The following CHRNB3 variants were observed in gnomAD, a reference collection of about 807,000 sequenced individuals.
CHRNB3 encodes the protein neuronal acetylcholine receptor subunit beta-3.
CHRNB3 carries 37 observed loss-of-function variants against 40.6 expected under a neutral mutation model. The ratio of observed to expected loss-of-function variants is 0.91; its 90% CI spans 0.70 to 1.20. CHRNB3 has a LOEUF of 1.20. Among genes scored for constraint, CHRNB3 ranks in the 50% most tolerant of loss-of-function variants. The probability of loss-of-function intolerance (pLI) is 0.00; values close to 1 mark genes in which losing one functional copy is unlikely to be tolerated. For missense variants in CHRNB3, 505 were observed against 551.2 expected (o/e 0.92, Z 0.84); for synonymous variants, 207 against 207.1 (o/e 1.00, Z 0.00).
chr8:42,700,634 C>A (rs753206994), intron 1 of CHRNB3, among the ~76,000 whole-genome samples: 11 of 152,090 alleles, frequency 7.2e-5, no homozygotes, highest in African/African-American at 1.4e-4. Context: ...TATTTCTTTT[C>A]TGTCCTGGCT....
intron 3 of CHRNB3, among the ~76,000 whole-genome samples, chr8:42,720,209 A>G (rs150527189): frequency 0.066 from 8,354 of 126,970 alleles, 300 homozygotes; most frequent in Middle Eastern, 0.18. Context: ...TCCGCCTCCC[A>G]GGTTCAAGAG....
chr8:42,731,282 G>A (rs1309156781), intron 4 of CHRNB3, among the ~76,000 whole-genome samples: 2 of 152,108 alleles, frequency 1.3e-5, no homozygotes, highest in Non-Finnish European at 2.9e-5. Flanking sequence ...AGGGCAGGGT[G>A]TGGTGGCTCA....
chr8:42,723,064 GT>G (rs1470558700), intron 3 of CHRNB3, among the ~76,000 whole-genome samples: 1 of 141,630 alleles, frequency 7.1e-6, no homozygotes, highest in Non-Finnish European at 1.6e-5. Context: ...CTAAAATATC[GT>G]AATAGGATAT....
intron 3 of CHRNB3, among the ~76,000 whole-genome samples, chr8:42,713,740 C>T (rs1399471478): frequency 3.3e-5 from 5 of 152,160 alleles, no homozygotes; most frequent in Non-Finnish European, 7.3e-5. Flanking sequence ...GTTTAATTCA[C>T]AAATGCATAA....
At chr8:42,706,571 G>C (rs1017153157) in intron 1 of CHRNB3, among the ~76,000 whole-genome samples, 5 of 151,970 alleles carry the variant, frequency 3.3e-5, no homozygotes, top group Non-Finnish European at 7.4e-5. Context: ...CCCGACGTAG[G>C]GTGGGAGAAA....
At chr8:42,725,510 T>C (rs1013891399) in intron 3 of CHRNB3, 64 of 694,404 alleles carry the variant, frequency 9.2e-5, no homozygotes, top group African/African-American at 7.4e-4. Flanking sequence ...TTCCACTTCA[T>C]TGATAAAAAT....
chr8:42,726,748 C>A (rs1586407234), intron 3 of CHRNB3, among the ~76,000 whole-genome samples: 1 of 152,080 alleles, frequency 6.6e-6, no homozygotes, highest in African/African-American at 2.4e-5. Context: ...CCTTGGCCTG[C>A]CAAAGTGCTG....
chr8:42,699,904 C>A (rs1172272482), intron 1 of CHRNB3, among the ~76,000 whole-genome samples: 1 of 123,416 alleles, frequency 8.1e-6, no homozygotes. Context: ...TTTTTTTTGA[C>A]GAGGCGGCAA....
At chr8:42,730,736 A>C (rs1816396561) in intron 4 of CHRNB3, 33 bp downstream of exon 4, 1 of 1,428,322 alleles carries the variant, frequency 7.0e-7, no homozygotes, top group Non-Finnish European at 9.7e-7. Flanking sequence ...CTTATGGGGA[A>C]AAAAATAAAT....
chr8:42,724,663 C>T (rs1288565652), intron 3 of CHRNB3, among the ~76,000 whole-genome samples: 9 of 152,032 alleles, frequency 5.9e-5, no homozygotes, highest in African/African-American at 2.2e-4. Flanking sequence ...TGATTTCAGA[C>T]GAGGCGGCAG....
chr8:42,735,336 G>C (rs866573829), intron 5 of CHRNB3, among the ~76,000 whole-genome samples: 1 of 152,088 alleles, frequency 6.6e-6, no homozygotes, highest in African/African-American at 2.4e-5. Context: ...TCAGCAGCTC[G>C]AGACCAGCCT....
At chr8:42,736,157 G>A (rs1051018306) in intron 5 of CHRNB3, among the ~76,000 whole-genome samples, 1 of 152,060 alleles carries the variant, frequency 6.6e-6, no homozygotes, top group Non-Finnish European at 1.5e-5. Flanking sequence ...GTGAGCCACC[G>A]CACCTGGCCT....
At chr8:42,703,459 T>TATATATATATATATATATATATATAG (rs1815862385) in intron 1 of CHRNB3, among the ~76,000 whole-genome samples, 1 of 125,554 alleles carries the variant, frequency 8.0e-6, no homozygotes, top group East Asian at 2.9e-4. Flanking sequence ...TATATATATA[T>TATATATATATATATATATATATATAG]ATGTATCCAC....
chr8:42,704,117 G>A (rs1296044074), intron 1 of CHRNB3, among the ~76,000 whole-genome samples: 1 of 152,226 alleles, frequency 6.6e-6, no homozygotes. Context: ...GAGGCTGGAA[G>A]TCTGTGATCA....
At chr8:42,708,930 A>C in intron 2 of CHRNB3, 62 bp downstream of exon 2, 3 of 1,432,266 alleles carry the variant, frequency 2.1e-6, no homozygotes, top group Non-Finnish European at 2.8e-6. Flanking sequence ...TTATGAGTCT[A>C]AAATATATAT....
At chr8:42,711,214 G>A (rs1449743385) in intron 3 of CHRNB3, among the ~76,000 whole-genome samples, 1 of 152,032 alleles carries the variant, frequency 6.6e-6, no homozygotes, top group Admixed American at 6.5e-5. Flanking sequence ...GGAGGCTGAG[G>A]CAGGAGAATT....
At chr8:42,733,809 T>C (rs897879519) in intron 5 of CHRNB3, among the ~76,000 whole-genome samples, 1 of 151,302 alleles carries the variant, frequency 6.6e-6, no homozygotes, top group Non-Finnish European at 1.5e-5. Flanking sequence ...TTGGCCAGAA[T>C]GGTCTCGAAC....
intron 3 of CHRNB3, chr8:42,726,266 G>A: frequency 4.6e-6 from 3 of 653,784 alleles, no homozygotes; most frequent in Admixed American, 2.8e-5. Context: ...CAGTAATTAA[G>A]GCAAGGAAAA....
chr8:42,717,878 T>A (rs527556721), intron 3 of CHRNB3, among the ~76,000 whole-genome samples: 3,440 of 142,376 alleles, frequency 0.024, 144 homozygotes, highest in African/African-American at 0.086. Flanking sequence ...CAGGCTGGAG[T>A]ATGGAGTACA....
Sources: allele counts gnomAD v4.1 joint callset (sites outside exome capture counted in the v4.1 genomes callset), GRCh38; gene constraint gnomAD v4.1.1; transcripts MANE v1.5; gene names NCBI Gene and HGNC (gene_info 2026-07-23, HGNC 2026-07-21).